The following TTBK2 variants were observed in gnomAD, a reference collection of about 807,000 sequenced individuals.
TTBK2 encodes the protein tau tubulin kinase 2.
TTBK2 carries 28 observed loss-of-function variants against 110.8 expected under a neutral mutation model. The ratio of observed to expected loss-of-function variants is 0.25; its 90% CI spans 0.19 to 0.35. The LOEUF (loss-of-function observed/expected upper bound fraction) is 0.35. TTBK2 is among the 10% of genes least tolerant of loss of function. The pLI is 1.00. For synonymous variants in TTBK2, 532 were observed against 527.3 expected, an observed-to-expected ratio of 1.01 and a Z score of -0.12; for missense variants, 1,369 against 1,500.3, an observed-to-expected ratio of 0.91 and a Z score of 1.45.
intron 1 of TTBK2, among the ~76,000 whole-genome samples, chr15:42,884,738 C>T (rs1895176451): frequency 6.6e-6 from 1 of 152,156 alleles, no homozygotes; most frequent in African/African-American, 2.4e-5. Context: ...CACAAAAGCA[C>T]AAGTTTTGGA....
At chr15:42,892,785 G>T (rs554546919) in intron 1 of TTBK2, among the ~76,000 whole-genome samples, 1 of 150,674 alleles carries the variant, frequency 6.6e-6, no homozygotes, top group South Asian at 2.1e-4. Context: ...TGAGGCAGGC[G>T]GATCACCTGA....
chr15:42,828,380 A>G (rs1892615818), intron 5 of TTBK2, among the ~76,000 whole-genome samples: 1 of 150,766 alleles, frequency 6.6e-6, no homozygotes. Flanking sequence ...GAAATCAGAG[A>G]TGGACCAAAA....
At chr15:42,833,399 GA>G (rs915792416) in intron 4 of TTBK2, among the ~76,000 whole-genome samples, 11 of 152,008 alleles carry the variant, frequency 7.2e-5, no homozygotes, top group African/African-American at 2.7e-4. Flanking sequence ...CCCAAAAGGA[GA>G]AAAAATAATA....
intron 1 of TTBK2, among the ~76,000 whole-genome samples, chr15:42,918,556 T>A (rs895223412): frequency 2.0e-5 from 3 of 152,206 alleles, no homozygotes; most frequent in African/African-American, 7.2e-5. Flanking sequence ...AATTCCATGA[T>A]CACAGCTAAC....
chr15:42,876,705 C>A (rs1894830083), intron 2 of TTBK2, among the ~76,000 whole-genome samples: 2 of 152,050 alleles, frequency 1.3e-5, no homozygotes, highest in African/African-American at 4.8e-5. Context: ...CTTTGGTGGA[C>A]TGTGTAGCAA....
Position 42,838,640 on chromosome 15 carries a change from A to G in TTBK2, c.291+1720T>C, listed in dbSNP as rs141483333. Reference sequence around the variant, plus strand: ...ACGCCAGCCTGGCCAACATGATGAAATCCCATCTCTACTAAAAATACAGAA... The same window carrying G: ...ACGCCAGCCTGGCCAACATGATGAAGTCCCATCTCTACTAAAAATACAGAA... On this transcript the variant is annotated intron_variant, in intron 4 of 14. Transcript: ENST00000267890. Among the ~76,000 whole-genome samples the G allele has an allele frequency of 3.9e-3, 597 of 152,108 alleles. 1 individual carries two copies. The highest frequency in any genetic ancestry group is 0.014 in the African/African-American group (571 of 41,486).
chr15:42,751,491 C>T (rs2061865125), intron 14 of TTBK2, among the ~76,000 whole-genome samples: 1 of 152,222 alleles, frequency 6.6e-6, no homozygotes, highest in African/African-American at 2.4e-5. Flanking sequence ...AATCCCAGCA[C>T]TTTGGGAGGC....
At chr15:42,811,291 T>A (rs1343332313) in intron 8 of TTBK2, among the ~76,000 whole-genome samples, 4 of 152,182 alleles carry the variant, frequency 2.6e-5, no homozygotes, top group African/African-American at 7.2e-5. Flanking sequence ...ATTGCACCCA[T>A]CTCAAAATAA....
chr15:42,756,551 A>G (rs1250853084), intron 13 of TTBK2, among the ~76,000 whole-genome samples: 1 of 152,184 alleles, frequency 6.6e-6, no homozygotes, highest in Non-Finnish European at 1.5e-5. Flanking sequence ...GTGCCACTGC[A>G]CTCGAGCCTG....
intron 1 of TTBK2, among the ~76,000 whole-genome samples, chr15:42,900,736 A>G (rs1315515798): frequency 6.6e-6 from 1 of 152,166 alleles, no homozygotes; most frequent in Non-Finnish European, 1.5e-5. Flanking sequence ...CCAAAAAAAA[A>G]CAGTAGTTAT....
chr15:42,912,228 T>C (rs1170469737), intron 1 of TTBK2, among the ~76,000 whole-genome samples: 1 of 152,000 alleles, frequency 6.6e-6, no homozygotes, highest in Non-Finnish European at 1.5e-5. Flanking sequence ...TGGCACAGGG[T>C]GGGCCTGAAG....
intron 3 of TTBK2, among the ~76,000 whole-genome samples, chr15:42,871,910 C>T (rs1475956975): frequency 1.3e-5 from 2 of 152,100 alleles, no homozygotes; most frequent in Non-Finnish European, 2.9e-5. Context: ...AAATGATCAT[C>T]CCTATTTAAT....
intron 14 of TTBK2, among the ~76,000 whole-genome samples, chr15:42,750,992 A>G (rs1189573130): frequency 6.6e-6 from 1 of 152,254 alleles, no homozygotes; most frequent in Admixed American, 6.5e-5. Context: ...CTGTCCTTCA[A>G]AAATGAGGCA....
intron 2 of TTBK2, among the ~76,000 whole-genome samples, chr15:42,875,771 T>A (rs1894793550): frequency 6.6e-6 from 1 of 152,018 alleles, no homozygotes; most frequent in Non-Finnish European, 1.5e-5. Context: ...GCCAGTGTGA[T>A]GGCGCGTGCC....
At chr15:42,891,354 T>G (rs1895448208) in intron 1 of TTBK2, among the ~76,000 whole-genome samples, 1 of 151,190 alleles carries the variant, frequency 6.6e-6, no homozygotes, top group Admixed American at 6.6e-5. Flanking sequence ...TTTACTTTTT[T>G]GTAGAGACAG....
intron 13 of TTBK2, among the ~76,000 whole-genome samples, chr15:42,767,121 C>T (rs1278290535): frequency 6.6e-6 from 1 of 152,130 alleles, no homozygotes; most frequent in Non-Finnish European, 1.5e-5. Flanking sequence ...ATCTCTGGGA[C>T]ACATTTAAAG....
At chr15:42,897,282 A>G (rs957776111) in intron 1 of TTBK2, among the ~76,000 whole-genome samples, 4 of 152,140 alleles carry the variant, frequency 2.6e-5, no homozygotes, top group African/African-American at 7.2e-5. Flanking sequence ...ACGTCCTGAG[A>G]GTTTGGGAAT....
At chr15:42,838,198 C>T (rs1008428211) in intron 4 of TTBK2, among the ~76,000 whole-genome samples, 3 of 150,104 alleles carry the variant, frequency 2.0e-5, no homozygotes, top group Non-Finnish European at 2.9e-5. Context: ...TAGAGCGAGA[C>T]TCTGTCTCAA....
At chr15:42,896,667 G>A (rs1016117133) in intron 1 of TTBK2, among the ~76,000 whole-genome samples, 2 of 152,028 alleles carry the variant, frequency 1.3e-5, no homozygotes, top group African/African-American at 4.8e-5. Flanking sequence ...GGTGGTACGT[G>A]CCTGTAGTCC....
Sources: gnomAD v4.1 joint callset for allele counts (sites outside exome capture counted in the v4.1 genomes callset) on GRCh38, gnomAD v4.1.1 for gene constraint, MANE v1.5 for transcripts, NCBI Gene and HGNC (gene_info 2026-07-23, HGNC 2026-07-21) for gene names.